Variants in WDR70 observed in about 807,000 individuals in gnomAD.
WDR70 encodes the protein WD repeat domain 70.
WDR70 carries 53 observed loss-of-function variants against 88.6 expected under a neutral mutation model. That is an observed-to-expected ratio of 0.60 (90% CI 0.48 to 0.75). The LOEUF is 0.75. WDR70 is among the 30% of genes least tolerant of loss of function. The pLI, the probability that WDR70 is intolerant of heterozygous loss-of-function variation, is 0.00. For missense variants in WDR70, 610 were observed against 823.2 expected (o/e 0.74, Z 3.17); for synonymous variants, 280 against 270.0 (o/e 1.04, Z -0.36).
intron 9 of WDR70, among the ~76,000 whole-genome samples, chr5:37,576,141 C>T (rs1006114143): frequency 1.5e-5 from 2 of 137,452 alleles, no homozygotes; most frequent in African/African-American, 5.4e-5. Flanking sequence ...TCCTTCCCCC[C>T]TCCCTCCCTC....
intron 9 of WDR70, among the ~76,000 whole-genome samples, chr5:37,573,903 CT>C (rs1742982611): frequency 6.6e-6 from 1 of 152,114 alleles, no homozygotes; most frequent in Admixed American, 6.5e-5. Flanking sequence ...TCATTTCCTC[CT>C]TGGAACATTC....
In WDR70 at chr5:37,712,062, G is replaced by A. The variant is rs189107643; in HGVS notation, c.1416+8975G>A. Among the ~76,000 whole-genome samples, 4 of 147,160 alleles carry A rather than the reference G, an allele frequency of 2.7e-5. No homozygotes were observed. The East Asian group carries it at 6.0e-4, about 22-fold the overall frequency. On this transcript the variant is annotated intron_variant, in intron 13 of 17. Coordinates refer to ENST00000265107, the MANE Select transcript of WDR70 (RefSeq NM_018034.4). ...GGCTGGAGTGCAGTGGCACGATCTC[G>A]GCTTACTGCAACCTCTGCCACCTGG...
intron 16 of WDR70, 52 bp downstream of exon 16, chr5:37,725,102 G>A (rs1747934422): frequency 1.3e-6 from 2 of 1,503,122 alleles, no homozygotes. Context: ...GGCAGGGTGG[G>A]GTAATTGATA....
At chr5:37,724,241 A>G (rs1331453171) in intron 15 of WDR70, 1 of 152,120 alleles carries the variant, frequency 6.6e-6, no homozygotes, top group Non-Finnish European at 1.5e-5. Flanking sequence ...AAATTCTTAT[A>G]ATCTTTTATA....
At chr5:37,726,051 A>G (rs542769408) in intron 16 of WDR70, among the ~76,000 whole-genome samples, 4 of 152,056 alleles carry the variant, frequency 2.6e-5, no homozygotes, top group African/African-American at 9.6e-5. Context: ...TTTGTACTTA[A>G]CCCATTCTGC....
intron 9 of WDR70, among the ~76,000 whole-genome samples, chr5:37,572,117 T>C (rs1228851208): frequency 6.6e-6 from 1 of 152,082 alleles, no homozygotes; most frequent in Non-Finnish European, 1.5e-5. Flanking sequence ...ATGTGTAAAA[T>C]TATATATAAA....
intron 9 of WDR70, among the ~76,000 whole-genome samples, chr5:37,533,982 G>C (rs149801392): frequency 2.2e-3 from 334 of 152,314 alleles, no homozygotes; most frequent in African/African-American, 7.7e-3. Context: ...CGGTGACTCA[G>C]GGAGCCTGCA....
chr5:37,519,892 A>T (rs531355732), intron 9 of WDR70, among the ~76,000 whole-genome samples: 3 of 152,346 alleles, frequency 2.0e-5, no homozygotes, highest in African/African-American at 4.8e-5. Flanking sequence ...CATTTTCACC[A>T]ACAGCATATG....
At chr5:37,643,066 C>T (rs1365040623) in intron 10 of WDR70, among the ~76,000 whole-genome samples, 2 of 152,022 alleles carry the variant, frequency 1.3e-5, no homozygotes, top group Admixed American at 1.3e-4. Context: ...TTTGCCCAGA[C>T]CAATGTCCTG....
In WDR70 at chr5:37,726,867, T is replaced by A; in HGVS notation, c.1715-16T>A. The stretch of plus-strand genomic sequence containing the variant: ...CTCATTCAGTTTCTAATTTGGTTTT[T>A]TTTCTTTTGCAATAGGTCGTGGTGG... On this transcript the variant is annotated splice_polypyrimidine_tract_variant and intron_variant, in intron 16 of 17. Coordinates refer to ENST00000265107, the MANE Select transcript of WDR70 (RefSeq NM_018034.4). The A allele has an allele frequency of 6.4e-7, 1 of 1,574,314 alleles. No homozygotes were observed. The highest frequency in any genetic ancestry group is 8.6e-7 in the Non-Finnish European group (1 of 1,164,612).
intron 8 of WDR70, among the ~76,000 whole-genome samples, chr5:37,500,715 G>GTTTTT (rs1167220429): frequency 3.5e-5 from 2 of 57,266 alleles, no homozygotes; most frequent in Non-Finnish European, 9.3e-5. Flanking sequence ...ATATTTGTTG[G>GTTTTT]CTTTTTTTTT....
At chr5:37,405,835 C>G (rs865837658) in intron 5 of WDR70, among the ~76,000 whole-genome samples, 1 of 151,918 alleles carries the variant, frequency 6.6e-6, no homozygotes, top group African/African-American at 2.4e-5. Flanking sequence ...CACTTGAGCC[C>G]GGGAGTTCGA....
intron 10 of WDR70, among the ~76,000 whole-genome samples, chr5:37,645,099 G>C (rs1036246767): frequency 6.6e-6 from 1 of 151,098 alleles, no homozygotes; most frequent in East Asian, 1.9e-4. Flanking sequence ...CTTTTTTGAT[G>C]TAAGTGCTTA....
chr5:37,411,131 A>G lies in WDR70; in HGVS notation c.492+14561A>G, dbSNP rs555227669. 3.3e-5 allele frequency among the ~76,000 whole-genome samples: 5 copies of G among 152,172 alleles called. No individual in the cohort carries two copies. The East Asian group carries it at 9.6e-4, about 29-fold the overall frequency. ...TTAAGGTGTAACTATTTGTTTTTTT[A>G]TTTTTATTTTGTGGAAATAAGGTCT... is the stretch of plus-strand genomic sequence containing the variant. On this transcript the variant is annotated intron_variant, in intron 5 of 17. Transcript: ENST00000265107.
chr5:37,574,445 C>T (rs1561908025), intron 9 of WDR70, among the ~76,000 whole-genome samples: 1 of 152,164 alleles, frequency 6.6e-6, no homozygotes, highest in Non-Finnish European at 1.5e-5. Context: ...GTCATCACTT[C>T]TTCTCAGTTT....
At chr5:37,591,711 C>T (rs1056660375) in intron 9 of WDR70, among the ~76,000 whole-genome samples, 8 of 152,162 alleles carry the variant, frequency 5.3e-5, no homozygotes, top group Admixed American at 2.0e-4. Context: ...TGATGCCTAA[C>T]GCAAAGTCAC....
chr5:37,612,083 CGGTAT>C (rs1744207309), intron 10 of WDR70, among the ~76,000 whole-genome samples: 1 of 151,920 alleles, frequency 6.6e-6, no homozygotes, highest in Non-Finnish European at 1.5e-5. Context: ...TAAAGTAGCA[CGGTAT>C]TCACTCTAAG....
intron 12 of WDR70, among the ~76,000 whole-genome samples, chr5:37,701,743 G>A (rs1014317063): frequency 1.1e-4 from 16 of 143,358 alleles, no homozygotes; most frequent in Middle Eastern, 3.6e-3. Flanking sequence ...CCAAGATTGC[G>A]CCACTGCACT....
At chr5:37,417,980 G>A (rs542956332) in intron 5 of WDR70, among the ~76,000 whole-genome samples, 11 of 152,332 alleles carry the variant, frequency 7.2e-5, no homozygotes. Flanking sequence ...TGATGTTAAA[G>A]AAGTTCTCCA....
Sources: allele counts gnomAD v4.1 joint callset (sites outside exome capture counted in the v4.1 genomes callset), GRCh38; gene constraint gnomAD v4.1.1; transcripts MANE v1.5; gene names NCBI Gene and HGNC (gene_info 2026-07-23, HGNC 2026-07-21).